Variants in PIK3AP1 observed in about 807,000 individuals in gnomAD.
The protein encoded by PIK3AP1 is phosphoinositide-3-kinase adaptor protein 1.
A neutral mutation model predicts 88.1 loss-of-function variants in PIK3AP1; 21 were observed. The observed-to-expected ratio is 0.24, with a 90% CI of 0.17 to 0.34. The LOEUF is 0.34. PIK3AP1 is among the 10% of genes least tolerant of loss of function. The pLI, the probability that PIK3AP1 is intolerant of heterozygous loss-of-function variation, is 1.00. For synonymous variants in PIK3AP1, 398 were observed against 400.0 expected, an observed-to-expected ratio of 1.00 and a Z score of 0.06; for missense variants, 828 against 1,035.7, an observed-to-expected ratio of 0.80 and a Z score of 2.75.
At chr10:96,607,510 CT>C (rs1849022543) in intron 14 of PIK3AP1, among the ~76,000 whole-genome samples, 2 of 151,870 alleles carry the variant, frequency 1.3e-5, no homozygotes, top group South Asian at 2.1e-4. Flanking sequence ...CCTAGTCAAC[CT>C]CCCGCCCAGG....
intron 14 of PIK3AP1, 136 bp downstream of exon 14, chr10:96,609,576 C>G (rs1286321528): frequency 1.0e-6 from 1 of 984,232 alleles, no homozygotes; most frequent in Non-Finnish European, 1.5e-6. Context: ...CTCGGCCCCA[C>G]CTTTTATACC....
intron 11 of PIK3AP1, chr10:96,621,239 G>A (rs547629227): frequency 2.6e-5 from 4 of 155,616 alleles, no homozygotes; most frequent in African/African-American, 4.8e-5. Context: ...CTCTCTGTGC[G>A]GGTCCAATGG....
chr10:96,650,508 G>A (rs952878495), intron 6 of PIK3AP1, among the ~76,000 whole-genome samples: 3 of 152,184 alleles, frequency 2.0e-5, no homozygotes, highest in African/African-American at 7.2e-5. Context: ...CCTACAAAGA[G>A]CCAGCCACCC....
Position 96,664,627 on chromosome 10 carries a change from T to C in PIK3AP1, c.431-7693A>G, listed in dbSNP as rs190974521. ...AGAGCCCAGCTTGACACAAATGAGA[T>C]TGATGCTAATAGTGCGGCACTTGGC... On this transcript the variant is annotated intron_variant, in intron 2 of 16. Coordinates refer to ENST00000339364, the MANE Select transcript of PIK3AP1 (RefSeq NM_152309.3). Among the ~76,000 whole-genome samples the C allele has an allele frequency of 1.1e-3, 164 of 152,238 alleles. 1 individual carries two copies. Among genetic ancestry groups the C allele is most frequent in the African/African-American group, 3.1e-3 (129 of 41,534 alleles).
chr10:96,655,886 T>A (rs1024353122), intron 3 of PIK3AP1, among the ~76,000 whole-genome samples: 2 of 152,218 alleles, frequency 1.3e-5, no homozygotes, highest in Non-Finnish European at 2.9e-5. Context: ...CAGTCTCAGG[T>A]ATGTCTTTAT....
intron 3 of PIK3AP1, among the ~76,000 whole-genome samples, chr10:96,656,183 A>G (rs1843612515): frequency 6.6e-6 from 1 of 152,228 alleles, no homozygotes; most frequent in Admixed American, 6.5e-5. Context: ...TAGGAAAGGA[A>G]AAATAAAGAA....
chr10:96,622,674 T>C (rs1405474855), intron 11 of PIK3AP1, among the ~76,000 whole-genome samples: 2 of 152,214 alleles, frequency 1.3e-5, no homozygotes, highest in Non-Finnish European at 2.9e-5. Flanking sequence ...TCCAGTTTCC[T>C]ACTACCAGAG....
chr10:96,658,175 G>T (rs1281420805), intron 2 of PIK3AP1, among the ~76,000 whole-genome samples: 4 of 152,090 alleles, frequency 2.6e-5, no homozygotes, highest in African/African-American at 9.7e-5. Context: ...AGCCAAATAT[G>T]TTAGGTACTT....
At chr10:96,699,551 G>A (rs1034425297) in intron 2 of PIK3AP1, among the ~76,000 whole-genome samples, 7 of 151,974 alleles carry the variant, frequency 4.6e-5, no homozygotes, top group Admixed American at 1.3e-4. Flanking sequence ...TTTGGATAGC[G>A]CTGGTTTTGA....
At chr10:96,638,497 C>CACAT (rs200144665) in intron 8 of PIK3AP1, among the ~76,000 whole-genome samples, 2 of 149,036 alleles carry the variant, frequency 1.3e-5, no homozygotes, top group African/African-American at 5.0e-5. Flanking sequence ...CACACACACA[C>CACAT]GAATAGCAGT....
chr10:96,613,652 A>G (rs1370133870), intron 13 of PIK3AP1, among the ~76,000 whole-genome samples: 2 of 152,166 alleles, frequency 1.3e-5, no homozygotes, highest in Non-Finnish European at 2.9e-5. Flanking sequence ...GACCATTCTA[A>G]TTTAGACTGT....
At position 96,720,324 on chromosome 10, in the gene PIK3AP1, A is replaced by T. The variant is rs1254293078; in HGVS notation, c.13+58T>A. 2 of 1,240,902 alleles carry T rather than the reference A, an allele frequency of 1.6e-6. No homozygotes were observed. Among genetic ancestry groups the T allele is most frequent in the Non-Finnish European group, 2.0e-6 (2 of 985,932 alleles). The allele number at this position is 1,240,902 out of a possible 1,614,324, so 76.9% of individuals were successfully genotyped here. A position where few individuals can be genotyped will look rare whatever the true frequency, so the allele number is the denominator to read the frequency against. ...CAAGCGGGGGAGCGCGCCTCAAGGGATGCGGGGTACGAGAGAGGGGCCGGG... is the reference window on the plus strand; with the variant it reads ...CAAGCGGGGGAGCGCGCCTCAAGGGTTGCGGGGTACGAGAGAGGGGCCGGG... On this transcript the variant is annotated intron_variant, in intron 1 of 16. Transcript: ENST00000339364. The surrounding 1 kb of genome is among the most constrained non-coding windows in gnomAD (Gnocchi z 4.6).
chr10:96,704,724 GA>G (rs575846740), intron 2 of PIK3AP1, among the ~76,000 whole-genome samples: 4 of 130,668 alleles, frequency 3.1e-5, no homozygotes, highest in East Asian at 2.2e-4. Context: ...ATCTCAAAAA[GA>G]AAAAAAAAAG....
At chr10:96,646,255 G>T (rs902001021) in intron 7 of PIK3AP1, among the ~76,000 whole-genome samples, 5 of 143,806 alleles carry the variant, frequency 3.5e-5, no homozygotes, top group African/African-American at 1.3e-4. Flanking sequence ...GCAAGACTCT[G>T]TCTAAAAAAA....
rs550618989 is a variant in PIK3AP1, at chr10:96,667,824, T to C, written c.431-10890A>G. ...GAAAAGACTTCAACCAGTAAAAGAA[T>C]GCCTTCAACACCTCTTTACCATGCA... On this transcript the variant is annotated intron_variant, in intron 2 of 16. Coordinates refer to ENST00000339364, the MANE Select transcript of PIK3AP1 (RefSeq NM_152309.3). Among the ~76,000 whole-genome samples the C allele has an allele frequency of 5.9e-5, 9 of 152,312 alleles. No individual in the cohort carries two copies. In the South Asian group the frequency reaches 8.3e-4, roughly 14 times the overall value.
intron 2 of PIK3AP1, among the ~76,000 whole-genome samples, chr10:96,659,531 G>A (rs1478308259): frequency 1.3e-5 from 2 of 151,926 alleles, no homozygotes; most frequent in Non-Finnish European, 2.9e-5. Flanking sequence ...AAAGTCTACG[G>A]TAAGAATTCA....
chr10:96,677,703 G>C (rs568152443), intron 2 of PIK3AP1, among the ~76,000 whole-genome samples: 1 of 152,060 alleles, frequency 6.6e-6, no homozygotes, highest in African/African-American at 2.4e-5. Flanking sequence ...GATATGAAGT[G>C]AGACAACACA....
intron 16 of PIK3AP1, 98 bp from the exon 17 acceptor site, chr10:96,595,732 G>A (rs111577025): frequency 1.7e-6 from 2 of 1,157,314 alleles, no homozygotes; most frequent in African/African-American, 1.5e-5. Context: ...ACTATGCAAA[G>A]GACACAATCC....
At chr10:96,605,421 A>G (rs1848986952) in intron 14 of PIK3AP1, among the ~76,000 whole-genome samples, 1 of 152,234 alleles carries the variant, frequency 6.6e-6, no homozygotes. Flanking sequence ...GGCTACCATA[A>G]CTGGACAGCA....
Sources: allele counts gnomAD v4.1 joint callset (sites outside exome capture counted in the v4.1 genomes callset), GRCh38; gene constraint gnomAD v4.1.1; non-coding constraint Gnocchi (gnomAD v3.1); transcripts MANE v1.5; gene names NCBI Gene and HGNC (gene_info 2026-07-23, HGNC 2026-07-21).